SPOCK1: variants seen among roughly 807,000 people sequenced by gnomAD.
SPOCK1 encodes the protein SPARC (osteonectin), cwcv and kazal like domains proteoglycan 1, also known as testican-1.
SPOCK1 carries 23 observed loss-of-function variants against 55.3 expected under a neutral mutation model. The ratio of observed to expected loss-of-function variants is 0.42; its 90% CI spans 0.30 to 0.59. SPOCK1 has a LOEUF of 0.59. Ranked by LOEUF, SPOCK1 falls within the 20% of genes least tolerant of loss-of-function variation. The pLI, the probability that SPOCK1 is intolerant of heterozygous loss-of-function variation, is 0.22. For synonymous variants in SPOCK1, 226 were observed against 221.0 expected, an observed-to-expected ratio of 1.02 and a Z score of -0.20; for missense variants, 499 against 552.5, an observed-to-expected ratio of 0.90 and a Z score of 0.97.
chr5:137,041,955 ACC>A (rs1359898488), intron 6 of SPOCK1, among the ~76,000 whole-genome samples: 1 of 152,228 alleles, frequency 6.6e-6, no homozygotes, highest in South Asian at 2.1e-4. Flanking sequence ...CTAAGTATTT[ACC>A]CAACTGATTT....
intron 2 of SPOCK1, among the ~76,000 whole-genome samples, chr5:137,388,904 G>A (rs973744815): frequency 5.9e-5 from 9 of 152,328 alleles, no homozygotes; most frequent in African/African-American, 1.9e-4. Flanking sequence ...GGCTGCAGAA[G>A]AGAGAATTTG....
At chr5:137,007,645 G>A (rs1480226340) in intron 6 of SPOCK1, among the ~76,000 whole-genome samples, 1 of 152,192 alleles carries the variant, frequency 6.6e-6, no homozygotes, top group Admixed American at 6.5e-5. Context: ...AACAAAAGAT[G>A]CTGGAGAGGA....
At chr5:137,340,709 C>T (rs536160371) in intron 2 of SPOCK1, among the ~76,000 whole-genome samples, 5 of 152,058 alleles carry the variant, frequency 3.3e-5, no homozygotes, top group Non-Finnish European at 7.4e-5. Flanking sequence ...GGCAAAAACT[C>T]GTCTCTACTA....
chr5:137,185,033 C>A (rs1755039811), intron 3 of SPOCK1, among the ~76,000 whole-genome samples: 1 of 152,120 alleles, frequency 6.6e-6, no homozygotes, highest in Non-Finnish European at 1.5e-5. Flanking sequence ...GTCTTGTTGA[C>A]CACTGTATCC....
chr5:137,473,784 C>T lies in SPOCK1; in HGVS notation c.186+24589G>A, dbSNP rs910194577. ...AAAAGAGCTAGCTGTCTACAGCACC[C>T]GAATTATTTTCTTCGCACTGTTAGG... On this transcript the variant is annotated intron_variant, in intron 2 of 10. Transcript: ENST00000394945. 3.9e-5 allele frequency among the ~76,000 whole-genome samples: 6 copies of T among 152,092 alleles called. No homozygotes were observed. In the South Asian group the frequency reaches 8.3e-4, roughly 21 times the overall value.
At chr5:137,294,307 C>G (rs975177106) in intron 2 of SPOCK1, among the ~76,000 whole-genome samples, 5 of 152,090 alleles carry the variant, frequency 3.3e-5, no homozygotes, top group Non-Finnish European at 7.4e-5. Flanking sequence ...TTAATAGATA[C>G]AGGCAAAATG....
At chr5:137,279,189 G>A (rs1757126168) in intron 2 of SPOCK1, among the ~76,000 whole-genome samples, 1 of 152,330 alleles carries the variant, frequency 6.6e-6, no homozygotes, top group East Asian at 1.9e-4. Context: ...CTCTCTCTGT[G>A]TGGGACAAAT....
chr5:137,331,293 C>T (rs1332160083), intron 2 of SPOCK1, among the ~76,000 whole-genome samples: 2 of 152,194 alleles, frequency 1.3e-5, no homozygotes, highest in African/African-American at 4.8e-5. Flanking sequence ...ATCCATAAGA[C>T]GTCTTCCAAC....
At chr5:137,232,589 C>A (rs1321986133) in intron 3 of SPOCK1, among the ~76,000 whole-genome samples, 1 of 152,234 alleles carries the variant, frequency 6.6e-6, no homozygotes, top group Non-Finnish European at 1.5e-5. Flanking sequence ...TGTAGCTATA[C>A]AGTAAGCCTT....
At chr5:137,255,568 G>A (rs1756616626) in intron 3 of SPOCK1, among the ~76,000 whole-genome samples, 1 of 152,072 alleles carries the variant, frequency 6.6e-6, no homozygotes, top group South Asian at 2.1e-4. Context: ...AACAAAAAAA[G>A]ACATATCGGG....
chr5:137,431,714 T>C (rs1752748709), intron 2 of SPOCK1, among the ~76,000 whole-genome samples: 1 of 152,198 alleles, frequency 6.6e-6, no homozygotes, highest in Non-Finnish European at 1.5e-5. Flanking sequence ...AGCCAGGATG[T>C]CCCTTGTGTT....
intron 3 of SPOCK1, among the ~76,000 whole-genome samples, chr5:137,147,706 C>T (rs1754224208): frequency 6.6e-6 from 1 of 152,180 alleles, no homozygotes; most frequent in Non-Finnish European, 1.5e-5. Flanking sequence ...TCTCCAAATA[C>T]AGACATCCTA....
chr5:137,450,925 C>T (rs1014054707), intron 2 of SPOCK1, among the ~76,000 whole-genome samples: 33 of 152,102 alleles, frequency 2.2e-4, no homozygotes, highest in African/African-American at 8.0e-4. Flanking sequence ...TTCCCTCTTC[C>T]AAACTCCTCC....
chr5:137,202,182 T>C (rs1340231864), intron 3 of SPOCK1, among the ~76,000 whole-genome samples: 3 of 152,206 alleles, frequency 2.0e-5, no homozygotes, highest in Non-Finnish European at 2.9e-5. Context: ...CAGACTCATG[T>C]AGCTGTAGCA....
At chr5:137,269,002 GATTTCAACATATTTTATAACTT>G (rs1756910725) in intron 2 of SPOCK1, among the ~76,000 whole-genome samples, 1 of 99,690 alleles carries the variant, frequency 1.0e-5, no homozygotes, top group Non-Finnish European at 2.1e-5. Flanking sequence ...ATTCCCTAAT[GATTTCAACATATTTTATAACTT>G]GGATGGAATT....
chr5:137,194,147 G>A (rs921227892), intron 3 of SPOCK1, among the ~76,000 whole-genome samples: 7 of 152,194 alleles, frequency 4.6e-5, no homozygotes, highest in Non-Finnish European at 1.0e-4. Context: ...TTAATTCCTG[G>A]GCTGCTGGCA....
chr5:137,367,680 A>C (rs1229706), intron 2 of SPOCK1, among the ~76,000 whole-genome samples: 31,918 of 152,116 alleles, frequency 0.21, 3,444 homozygotes, highest in South Asian at 0.28. Context: ...ATGCTGACCC[A>C]CATAAACCAC....
intron 2 of SPOCK1, among the ~76,000 whole-genome samples, chr5:137,428,791 C>T (rs1444769249): frequency 6.6e-6 from 1 of 152,156 alleles, no homozygotes; most frequent in African/African-American, 2.4e-5. Flanking sequence ...AATTCCTCCA[C>T]CTTAAAGTAA....
intron 5 of SPOCK1, among the ~76,000 whole-genome samples, chr5:137,097,531 C>A (rs1753176443): frequency 6.6e-6 from 1 of 152,168 alleles, no homozygotes; most frequent in Non-Finnish European, 1.5e-5. Flanking sequence ...AGGAGCTGAG[C>A]AAGCATTGGA....
Sources: gnomAD v4.1 joint callset for allele counts (sites outside exome capture counted in the v4.1 genomes callset) on GRCh38, gnomAD v4.1.1 for gene constraint, MANE v1.5 for transcripts, NCBI Gene and HGNC (gene_info 2026-07-23, HGNC 2026-07-21) for gene names.